The following WIPF2 variants were observed in gnomAD, a reference collection of about 807,000 sequenced individuals.
WIPF2 encodes the protein WAS/WASL interacting protein family member 2.
WIPF2 carries 23 observed loss-of-function variants against 38.8 expected under a neutral mutation model. The observed-to-expected ratio is 0.59, with a 90% CI of 0.43 to 0.84. WIPF2 has a LOEUF of 0.84. Among genes scored for constraint, WIPF2 ranks in the 40% least tolerant of loss-of-function variants. The probability of loss-of-function intolerance (pLI) is 0.00; values close to 1 mark genes in which losing one functional copy is unlikely to be tolerated. For missense variants in WIPF2, 574 were observed against 580.5 expected (o/e 0.99, Z 0.11); for synonymous variants, 210 against 223.2 (o/e 0.94, Z 0.53).
chr17:40,279,058 T>C lies in WIPF2; in HGVS notation c.*833T>C, dbSNP rs1240035088. 3 of 152,246 alleles carry C rather than the reference T, an allele frequency of 2.0e-5. No homozygotes were observed. The highest frequency in any genetic ancestry group is 4.4e-5 in the Non-Finnish European group (3 of 68,098). The allele number at this position is 152,246 out of a possible 1,614,324, so 9.4% of individuals were successfully genotyped here. A position where few individuals can be genotyped will look rare whatever the true frequency, so the allele number is the denominator to read the frequency against. On this transcript the variant is annotated 3_prime_UTR_variant, in exon 8 of 8. Transcript: ENST00000323571. ...CCATGCCCTTGAAAGAAAAGTCACTTTTTGTGGAGGGCATCATTCATTCCT... is the reference window on the plus strand; with the variant it reads ...CCATGCCCTTGAAAGAAAAGTCACTCTTTGTGGAGGGCATCATTCATTCCT...
In WIPF2 at chr17:40,256,611, T is replaced by C. The variant is rs181922633; in HGVS notation, c.63+89T>C. On this transcript the variant is annotated intron_variant, in intron 2 of 7. Transcript: ENST00000323571. Reference sequence around the variant, plus strand: ...TACTTTTTTTTTCTTTTAACTCCTTTTGGTTAAAATTTCTAGATTTTCCTA... The same window carrying C: ...TACTTTTTTTTTCTTTTAACTCCTTCTGGTTAAAATTTCTAGATTTTCCTA... The C allele has an allele frequency of 6.3e-5, 93 of 1,469,890 alleles. No homozygotes were observed. In the African/African-American group the frequency reaches 1.0e-3, roughly 17 times the overall value. The allele number at this position is 1,469,890 out of a possible 1,614,324, so 91.1% of individuals were successfully genotyped here. A position where few individuals can be genotyped will look rare whatever the true frequency, so the allele number is the denominator to read the frequency against.
chr17:40,262,716 T>C lies in WIPF2; in HGVS notation c.313+75T>C, dbSNP rs1318409424. ...GATGTCCCAAGTGGGCCATCTCAGGTTGAGGAGTATGGTAGAGGTGGGGGG... is the reference window on the plus strand; with the variant it reads ...GATGTCCCAAGTGGGCCATCTCAGGCTGAGGAGTATGGTAGAGGTGGGGGG... On this transcript the variant is annotated intron_variant, in intron 4 of 7. Transcript: ENST00000323571. The C allele has an allele frequency of 2.4e-6, 3 of 1,226,542 alleles. No homozygotes were observed. In the East Asian group the frequency reaches 7.0e-5, roughly 29 times the overall value. 76.0% of individuals were successfully genotyped at this position (1,226,542 alleles called of 1,614,324 possible). A position where few individuals can be genotyped will look rare whatever the true frequency, so the allele number is the denominator to read the frequency against.
At chr17:40,241,774 C>G (rs1247357016) in intron 1 of WIPF2, among the ~76,000 whole-genome samples, 2 of 152,146 alleles carry the variant, frequency 1.3e-5, no homozygotes, top group Non-Finnish European at 2.9e-5. Flanking sequence ...TTGTTTTTAA[C>G]TTTACAATCA....
At chr17:40,222,818 G>C (rs1301479211) in intron 1 of WIPF2, among the ~76,000 whole-genome samples, 1 of 149,054 alleles carries the variant, frequency 6.7e-6, no homozygotes, top group East Asian at 2.0e-4. Context: ...CTATAGGCAT[G>C]CACCACCACG....
At chr17:40,261,862 A>G (rs1555563293) in intron 3 of WIPF2, among the ~76,000 whole-genome samples, 1 of 147,988 alleles carries the variant, frequency 6.8e-6, no homozygotes, top group Non-Finnish European at 1.5e-5. Flanking sequence ...AATTTTTTGT[A>G]TTTTTAGTAG....
chr17:40,247,167 T>A (rs554525166), intron 1 of WIPF2, among the ~76,000 whole-genome samples: 59 of 150,724 alleles, frequency 3.9e-4, no homozygotes, highest in African/African-American at 1.4e-3. Flanking sequence ...TGGACATAGG[T>A]GTATGAAATG....
intron 1 of WIPF2, among the ~76,000 whole-genome samples, chr17:40,254,360 G>A (rs1385345380): frequency 2.0e-5 from 3 of 152,024 alleles, no homozygotes; most frequent in Non-Finnish European, 2.9e-5. Flanking sequence ...GTTCTTCCAT[G>A]GATTGATTGG....
At position 40,265,103 on chromosome 17, in the gene WIPF2, T is replaced by C. The variant is rs1451567127; in HGVS notation, c.927T>C (p.Asn309=). ...PTSASPSLLS[N]RPPPPARDPP... ...CGGCCTCCCCATCTTTACTGAGTAA[T>C]AGGCCACCTCCCCCAGCCCGAGACC... is the stretch of plus-strand genomic sequence containing the variant. Residue 309 remains asparagine, a synonymous_variant, in exon 5 of 8, where the codon AAT becomes AAC. Transcript: ENST00000323571. 6.2e-7 allele frequency: 1 copy of C among 1,613,330 alleles called. No individual in the cohort carries two copies. The highest frequency in any genetic ancestry group is 8.5e-7 in the Non-Finnish European group (1 of 1,179,700).
intron 1 of WIPF2, among the ~76,000 whole-genome samples, chr17:40,251,189 C>T (rs1452592568): frequency 6.6e-6 from 1 of 152,132 alleles, no homozygotes; most frequent in Non-Finnish European, 1.5e-5. Flanking sequence ...GCTGGGATTA[C>T]AGGCGTGAGC....
At chr17:40,231,481 A>G (rs2030737627) in intron 1 of WIPF2, among the ~76,000 whole-genome samples, 1 of 142,122 alleles carries the variant, frequency 7.0e-6, no homozygotes, top group Non-Finnish European at 1.5e-5. Context: ...GCTGGAGTGC[A>G]GTGGCACGAT....
At chr17:40,222,602 T>TGTGTCTGC (rs1383069161) in intron 1 of WIPF2, among the ~76,000 whole-genome samples, 3 of 150,226 alleles carry the variant, frequency 2.0e-5, no homozygotes, top group African/African-American at 7.3e-5. Context: ...TGTGTGTGTG[T>TGTGTCTGC]GTGTCTGCGT....
intron 7 of WIPF2, among the ~76,000 whole-genome samples, chr17:40,277,613 G>C (rs796327476): frequency 2.5e-4 from 38 of 152,050 alleles, no homozygotes; most frequent in African/African-American, 8.9e-4. Flanking sequence ...CCCAGGAGGC[G>C]GAGGTTGCAG....
Position 40,262,708 on chromosome 17 carries a change from A to G in WIPF2, c.313+67A>G, listed in dbSNP as rs554265234. On this transcript the variant is annotated intron_variant, in intron 4 of 7. Coordinates refer to ENST00000323571, the MANE Select transcript of WIPF2 (RefSeq NM_133264.5). ...TAATTTCTGATGTCCCAAGTGGGCC[A>G]TCTCAGGTTGAGGAGTATGGTAGAG... 83 of 1,352,972 alleles carry G rather than the reference A, an allele frequency of 6.1e-5. No homozygotes were observed. In the African/African-American group the frequency reaches 1.1e-3, roughly 18 times the overall value. The allele number at this position is 1,352,972 out of a possible 1,614,324, so 83.8% of individuals were successfully genotyped here. A position where few individuals can be genotyped will look rare whatever the true frequency, so the allele number is the denominator to read the frequency against.
At position 40,279,544 on chromosome 17, in the gene WIPF2, G is replaced by A. The variant is rs1007685159; in HGVS notation, c.*1319G>A. The A allele has an allele frequency of 4.6e-5, 7 of 152,760 alleles. No individual in the cohort carries two copies. Among genetic ancestry groups the A allele is most frequent in the African/African-American group, 1.7e-4 (7 of 41,560 alleles). 9.5% of individuals were successfully genotyped at this position (152,760 alleles called of 1,614,324 possible). A position where few individuals can be genotyped will look rare whatever the true frequency, so the allele number is the denominator to read the frequency against. ...AGATCTTCCTTGGCAGCCAGCCATA[G>A]GTTGTTTCTTTGTCTTCCGGGTCCT... On this transcript the variant is annotated 3_prime_UTR_variant, in exon 8 of 8. Coordinates refer to ENST00000323571, the MANE Select transcript of WIPF2 (RefSeq NM_133264.5).
At chr17:40,231,708 C>T (rs1050459719) in intron 1 of WIPF2, among the ~76,000 whole-genome samples, 2 of 152,062 alleles carry the variant, frequency 1.3e-5, no homozygotes, top group African/African-American at 4.8e-5. Flanking sequence ...CAGGCGTGAG[C>T]CACCATGCCT....
intron 1 of WIPF2, among the ~76,000 whole-genome samples, chr17:40,227,899 A>G (rs1236164144): frequency 6.6e-6 from 1 of 151,718 alleles, no homozygotes; most frequent in East Asian, 1.9e-4. Context: ...CCAGGTACAT[A>G]TAAAGCAAAT....
chr17:40,278,005 C>T (rs2032458318), intron 7 of WIPF2, among the ~76,000 whole-genome samples, 180 bp from the exon 8 acceptor site: 1 of 152,070 alleles, frequency 6.6e-6, no homozygotes, highest in African/African-American at 2.4e-5. Flanking sequence ...GGATTACAGG[C>T]GTGAGCCACC....
At chr17:40,257,742 CAA>C (rs397857008) in intron 2 of WIPF2, among the ~76,000 whole-genome samples, 29 of 89,974 alleles carry the variant, frequency 3.2e-4, no homozygotes, top group Admixed American at 5.2e-4. Context: ...GGCTCCATCT[CAA>C]AAAAAAAAAA....
In WIPF2 at chr17:40,278,776, G is replaced by C. The variant is rs2032482029; in HGVS notation, c.*551G>C. On this transcript the variant is annotated 3_prime_UTR_variant, in exon 8 of 8. Transcript: ENST00000323571. ...AAGGAATTGGGTCTGCTTTATTTTT[G>C]GGGGTATTTTGTTTTTGTTCTCACC... 1 of 152,320 alleles carries C rather than the reference G, an allele frequency of 6.6e-6. No individual in the cohort carries two copies. Among genetic ancestry groups the C allele is most frequent in the Non-Finnish European group, 1.5e-5 (1 of 68,194 alleles). 9.4% of individuals were successfully genotyped at this position (152,320 alleles called of 1,614,324 possible). A position where few individuals can be genotyped will look rare whatever the true frequency, so the allele number is the denominator to read the frequency against.
Sources: allele counts gnomAD v4.1 joint callset (sites outside exome capture counted in the v4.1 genomes callset), GRCh38; gene constraint gnomAD v4.1.1; transcripts MANE v1.5; gene names NCBI Gene and HGNC (gene_info 2026-07-23, HGNC 2026-07-21).